The following KCNMA1 variants were observed in gnomAD, a reference collection of about 807,000 sequenced individuals.
KCNMA1 encodes the protein potassium calcium-activated channel subfamily M alpha 1.
In KCNMA1, 29 loss-of-function variants were observed where a neutral mutation model predicts 140.0. The observed-to-expected ratio is 0.21, with a 90% CI of 0.15 to 0.28. The LOEUF (loss-of-function observed/expected upper bound fraction) is 0.28, where lower values mean the gene tolerates loss of function less well. Ranked by LOEUF, KCNMA1 falls within the 10% of genes least tolerant of loss-of-function variation. The probability of loss-of-function intolerance (pLI) is 1.00; values close to 1 mark genes in which losing one functional copy is unlikely to be tolerated. For missense variants in KCNMA1, 880 were observed against 1,602.2 expected, an observed-to-expected ratio of 0.55 and a Z score of 7.70; for synonymous variants, 612 against 611.9, an observed-to-expected ratio of 1.00 and a Z score of 0.00.
intron 1 of KCNMA1, among the ~76,000 whole-genome samples, chr10:77,632,516 A>C (rs2093327680): frequency 6.6e-6 from 1 of 152,130 alleles, no homozygotes; most frequent in African/African-American, 2.4e-5. Context: ...CCCCACCATC[A>C]AAACTGTAAC....
chr10:77,087,268 G>A (rs1450320932), intron 10 of KCNMA1, among the ~76,000 whole-genome samples: 2 of 152,074 alleles, frequency 1.3e-5, no homozygotes, highest in Non-Finnish European at 2.9e-5. Flanking sequence ...CAGGCAGTGG[G>A]ACTTCCCAGC....
intron 1 of KCNMA1, among the ~76,000 whole-genome samples, chr10:77,623,573 C>G (rs1255034963): frequency 6.6e-6 from 1 of 151,664 alleles, no homozygotes; most frequent in Non-Finnish European, 1.5e-5. Flanking sequence ...CATGATGGTG[C>G]ATGTCTGTAA....
chr10:77,267,658 C>T (rs1176021493), intron 2 of KCNMA1, among the ~76,000 whole-genome samples: 2 of 152,180 alleles, frequency 1.3e-5, no homozygotes, highest in Admixed American at 6.5e-5. Context: ...CACTCATTTT[C>T]CCAAACCATA....
chr10:77,023,117 A>T (rs1405231533), intron 16 of KCNMA1, among the ~76,000 whole-genome samples: 2 of 152,270 alleles, frequency 1.3e-5, no homozygotes, highest in East Asian at 3.9e-4. Context: ...ATCACATTTC[A>T]TTGGGTATCT....
intron 1 of KCNMA1, among the ~76,000 whole-genome samples, chr10:77,604,872 C>T (rs1250875767): frequency 1.3e-5 from 2 of 152,172 alleles, no homozygotes; most frequent in Non-Finnish European, 2.9e-5. Flanking sequence ...TCCTGGCCTC[C>T]CTGCCTCCAC....
intron 1 of KCNMA1, among the ~76,000 whole-genome samples, chr10:77,502,840 A>C (rs1444050475): frequency 6.6e-6 from 1 of 152,256 alleles, no homozygotes; most frequent in Non-Finnish European, 1.5e-5. Flanking sequence ...CCAAGCACCC[A>C]CAATAGATAC....
At chr10:77,277,859 C>T (rs756504683) in intron 2 of KCNMA1, among the ~76,000 whole-genome samples, 2 of 152,178 alleles carry the variant, frequency 1.3e-5, no homozygotes, top group East Asian at 1.9e-4. Flanking sequence ...TCTGCAGTTA[C>T]GCCTTTGGAC....
At chr10:76,879,915 G>C (rs543185251), downstream of KCNMA1, among the ~76,000 whole-genome samples, 1 of 152,180 alleles carries the variant, frequency 6.6e-6, no homozygotes, top group African/African-American at 2.4e-5. Context: ...ACTTTTTCCA[G>C]GGGTTTATGT....
chr10:77,532,180 G>A (rs2057797449), intron 1 of KCNMA1, among the ~76,000 whole-genome samples: 2 of 152,242 alleles, frequency 1.3e-5, no homozygotes, highest in South Asian at 4.1e-4. Context: ...CTTGGAGAAA[G>A]AAGGGGCTGG....
downstream of KCNMA1, chr10:76,884,023 G>A: frequency 1.0e-6 from 1 of 978,696 alleles, no homozygotes; most frequent in Non-Finnish European, 1.2e-6. Flanking sequence ...CAAAGTCCAG[G>A]AAAACCTCAA....
At chr10:77,089,006 C>T (rs1465159425) in intron 10 of KCNMA1, among the ~76,000 whole-genome samples, 1 of 152,200 alleles carries the variant, frequency 6.6e-6, no homozygotes, top group Non-Finnish European at 1.5e-5. Context: ...GCACAGCCTA[C>T]ACACTATACC....
intron 16 of KCNMA1, among the ~76,000 whole-genome samples, chr10:77,024,007 G>C (rs752406407): frequency 6.6e-6 from 1 of 152,172 alleles, no homozygotes; most frequent in Non-Finnish European, 1.5e-5. Flanking sequence ...AGTAACTTTA[G>C]AAATGGCATT....
At chr10:76,887,765 C>T (rs932405208) in intron 27 of KCNMA1, 1 of 533,996 alleles carries the variant, frequency 1.9e-6, no homozygotes, top group Non-Finnish European at 3.4e-6. Flanking sequence ...ATGGAAGAAC[C>T]AAACTTCGCT....
Position 77,102,493 on chromosome 10 carries a change from C to T in KCNMA1, c.1223+5988G>A, listed in dbSNP as rs559421394. On this transcript the variant is annotated intron_variant, in intron 9 of 27. Transcript: ENST00000286628. ...CAATAATCAGGAAGCAGGGAAGATA[C>T]GCAGGATGCCATCTCCCGATAAGTC... 1.1e-4 allele frequency among the ~76,000 whole-genome samples: 17 copies of T among 152,318 alleles called. No homozygotes were observed. In the South Asian group the frequency reaches 1.2e-3, roughly 11 times the overall value.
chr10:77,498,641 T>C (rs558021797), intron 1 of KCNMA1: 34 of 152,246 alleles, frequency 2.2e-4, no homozygotes, highest in African/African-American at 7.9e-4. Context: ...TAGTGCAAGA[T>C]CCGAGAGTAG....
downstream of KCNMA1, chr10:76,876,494 G>T (rs764739353): frequency 6.6e-6 from 1 of 152,566 alleles, no homozygotes. Context: ...TCTTTTGACC[G>T]CAGTTTAAAG....
Position 77,136,642 on chromosome 10 carries a change from A to C in KCNMA1, c.809-15594T>G, listed in dbSNP as rs150013292. 4.8e-3 allele frequency among the ~76,000 whole-genome samples: 735 copies of C among 152,090 alleles called. 9 individuals carry two copies. Among genetic ancestry groups the C allele is most frequent in the African/African-American group, 0.017 (696 of 41,518 alleles). On this transcript the variant is annotated intron_variant, in intron 5 of 27. Transcript: ENST00000286628. ...ATGAAGTGCATGGTCCCTATGATAAAACTATGAAAACTATAGGTATGTGTA... is the reference window on the plus strand; with the variant it reads ...ATGAAGTGCATGGTCCCTATGATAACACTATGAAAACTATAGGTATGTGTA...
At chr10:77,029,079 T>A (rs1169865788) in intron 15 of KCNMA1, among the ~76,000 whole-genome samples, 1 of 151,914 alleles carries the variant, frequency 6.6e-6, no homozygotes, top group Admixed American at 6.6e-5. Flanking sequence ...AACATGTAAA[T>A]AGAACAAATA....
At chr10:77,440,291 A>T (rs531673291) in intron 1 of KCNMA1, among the ~76,000 whole-genome samples, 114 of 152,310 alleles carry the variant, frequency 7.5e-4, no homozygotes, top group Non-Finnish European at 1.4e-3. Context: ...TAATACTGAC[A>T]TCAACTCTAC....
Sources: gnomAD v4.1 joint callset for allele counts (sites outside exome capture counted in the v4.1 genomes callset) on GRCh38, gnomAD v4.1.1 for gene constraint, MANE v1.5 for transcripts, NCBI Gene and HGNC (gene_info 2026-07-23, HGNC 2026-07-21) for gene names.